Variants in TSHZ2 observed in about 807,000 individuals in gnomAD.
The protein encoded by TSHZ2 is teashirt zinc finger homeobox 2.
In TSHZ2, 21 loss-of-function variants were observed where a neutral mutation model predicts 74.4. The ratio of observed to expected loss-of-function variants is 0.28; its 90% CI spans 0.20 to 0.41. The LOEUF (loss-of-function observed/expected upper bound fraction) is 0.41. Among genes scored for constraint, TSHZ2 ranks in the 10% least tolerant of loss-of-function variants. TSHZ2 has a pLI of 1.00. For synonymous variants in TSHZ2, 540 were observed against 515.3 expected, an observed-to-expected ratio of 1.05 and a Z score of -0.65; for missense variants, 1,244 against 1,293.5, an observed-to-expected ratio of 0.96 and a Z score of 0.59.
At chr20:53,411,272 T>C (rs2145697879) in intron 2 of TSHZ2, among the ~76,000 whole-genome samples, 1 of 152,220 alleles carries the variant, frequency 6.6e-6, no homozygotes, top group African/African-American at 2.4e-5. Context: ...GGGCCTCCAG[T>C]CTCAACTCAT....
At chr20:53,392,128 A>G (rs928544383) in intron 2 of TSHZ2, among the ~76,000 whole-genome samples, 7 of 152,166 alleles carry the variant, frequency 4.6e-5, no homozygotes, top group Non-Finnish European at 8.8e-5. Flanking sequence ...TTGCTCTGTG[A>G]TGGAGCAATG....
chr20:52,994,232 C>T (rs141956091), intron 1 of TSHZ2, among the ~76,000 whole-genome samples: 2 of 152,190 alleles, frequency 1.3e-5, no homozygotes, highest in African/African-American at 4.8e-5. Flanking sequence ...ATGGAGTGCC[C>T]AGAATAACGT....
chr20:53,005,875 G>C (rs1982625217), intron 1 of TSHZ2, among the ~76,000 whole-genome samples: 1 of 152,000 alleles, frequency 6.6e-6, no homozygotes, highest in African/African-American at 2.4e-5. Flanking sequence ...TGGGTTAATA[G>C]CATTTCACCT....
intron 2 of TSHZ2, among the ~76,000 whole-genome samples, chr20:53,444,103 C>T (rs1204954825): frequency 6.6e-6 from 1 of 152,146 alleles, no homozygotes; most frequent in Non-Finnish European, 1.5e-5. Flanking sequence ...GATGAGAAGT[C>T]ACCCTATGTT....
intron 1 of TSHZ2, among the ~76,000 whole-genome samples, chr20:53,117,082 T>G (rs1219971712): frequency 6.6e-6 from 1 of 152,112 alleles, no homozygotes; most frequent in Admixed American, 6.5e-5. Context: ...CTCTCATGCC[T>G]CTTCTTATAA....
At chr20:53,299,636 A>G (rs7269300) in intron 2 of TSHZ2, among the ~76,000 whole-genome samples, 4,893 of 152,298 alleles carry the variant, frequency 0.032, 253 homozygotes, top group African/African-American at 0.11. Flanking sequence ...GCTTCACCAT[A>G]TGTACAGAGC....
Position 53,069,662 on chromosome 20 carries a change from TACACACACACACACACAC to T in TSHZ2, c.40+96360_40+96377del, listed in dbSNP as rs11471151. On this transcript the variant is annotated intron_variant, in intron 1 of 2. Coordinates refer to ENST00000371497, the MANE Select transcript of TSHZ2 (RefSeq NM_173485.6). ...GCCTAGCAAAAGGTCAATGCTTTGA[TACACACACACACACACAC>T]ACACACACACACACACACACACACA... Among the ~76,000 whole-genome samples, 542 of 138,866 alleles carry T rather than the reference TACACACACACACACACAC, an allele frequency of 3.9e-3. 2 individuals are homozygous for T. Among genetic ancestry groups the T allele is most frequent in the African/African-American group, 7.7e-3 (281 of 36,718 alleles). 91.1% of individuals were successfully genotyped at this position (138,866 alleles called of 152,430 possible). A position where few individuals can be genotyped will look rare whatever the true frequency, so the allele number is the denominator to read the frequency against.
intron 1 of TSHZ2, among the ~76,000 whole-genome samples, chr20:53,202,900 G>T (rs1335933362): frequency 6.6e-6 from 1 of 152,156 alleles, no homozygotes; most frequent in African/African-American, 2.4e-5. Context: ...TTTCAGGAGA[G>T]GGATCAGCCA....
At chr20:53,223,782 A>T (rs1303091750) in intron 1 of TSHZ2, among the ~76,000 whole-genome samples, 4 of 152,118 alleles carry the variant, frequency 2.6e-5, no homozygotes, top group Non-Finnish European at 5.9e-5. Flanking sequence ...AGGGGGAGGT[A>T]GCTGTGGCCA....
chr20:53,366,891 G>A (rs1276080485), intron 2 of TSHZ2, among the ~76,000 whole-genome samples: 6 of 152,104 alleles, frequency 3.9e-5, no homozygotes, highest in African/African-American at 1.4e-4. Flanking sequence ...TTCAAACCTG[G>A]CAACAGTTCC....
chr20:53,187,121 A>G (rs558036801), intron 1 of TSHZ2, among the ~76,000 whole-genome samples: 1 of 152,342 alleles, frequency 6.6e-6, no homozygotes, highest in East Asian at 1.9e-4. Context: ...GATACAGGAC[A>G]GTGATAATGA....
At chr20:53,108,401 C>G (rs1010771695) in intron 1 of TSHZ2, among the ~76,000 whole-genome samples, 1 of 152,204 alleles carries the variant, frequency 6.6e-6, no homozygotes, top group Non-Finnish European at 1.5e-5. Context: ...ATTCCACATT[C>G]CACAACTCTT....
intron 1 of TSHZ2, among the ~76,000 whole-genome samples, chr20:53,130,597 G>A (rs942862390): frequency 2.0e-5 from 3 of 152,190 alleles, no homozygotes; most frequent in Non-Finnish European, 4.4e-5. Context: ...CTGCACTCCA[G>A]CCTGGGTGAC....
intron 1 of TSHZ2, among the ~76,000 whole-genome samples, chr20:53,016,189 G>A (rs1983033881): frequency 6.6e-6 from 1 of 152,138 alleles, no homozygotes; most frequent in African/African-American, 2.4e-5. Flanking sequence ...TGCTAACCCT[G>A]AGGAATGGCT....
At chr20:53,197,413 T>C (rs929504180) in intron 1 of TSHZ2, among the ~76,000 whole-genome samples, 1 of 152,226 alleles carries the variant, frequency 6.6e-6, no homozygotes, top group African/African-American at 2.4e-5. Flanking sequence ...ATGTTTTCTT[T>C]TTATTTGTAA....
intron 2 of TSHZ2, among the ~76,000 whole-genome samples, chr20:53,480,284 G>C (rs1986115275): frequency 6.6e-6 from 1 of 151,780 alleles, no homozygotes; most frequent in Non-Finnish European, 1.5e-5. Context: ...GGCCAGGCTG[G>C]TCTTTAACTC....
chr20:53,380,139 AGTGTGTGTGTGT>A (rs3222593), intron 2 of TSHZ2, among the ~76,000 whole-genome samples: 2 of 149,520 alleles, frequency 1.3e-5, no homozygotes, highest in Admixed American at 1.3e-4. Context: ...ATGGTTGGAG[AGTGTGTGTGTGT>A]GTGTGTGTGT....
chr20:53,449,340 G>T (rs1377535220), intron 2 of TSHZ2, among the ~76,000 whole-genome samples: 1 of 152,168 alleles, frequency 6.6e-6, no homozygotes, highest in Non-Finnish European at 1.5e-5. Context: ...TTTCAGCATA[G>T]TGAATAGCAA....
chr20:53,410,587 CATTATTATT>C (rs71194476), intron 2 of TSHZ2, among the ~76,000 whole-genome samples: 64 of 141,844 alleles, frequency 4.5e-4, no homozygotes, highest in East Asian at 8.1e-4. Context: ...ATTATCGTCA[CATTATTATT>C]ATTATTATTA....
Sources: gnomAD v4.1 joint callset for allele counts (sites outside exome capture counted in the v4.1 genomes callset) on GRCh38, gnomAD v4.1.1 for gene constraint, MANE v1.5 for transcripts, NCBI Gene and HGNC (gene_info 2026-07-23, HGNC 2026-07-21) for gene names.